Variants in CLSTN2 observed in about 807,000 individuals in gnomAD.
CLSTN2 encodes the protein calsyntenin 2, also known as calsyntenin-2.
A neutral mutation model predicts 101.2 loss-of-function variants in CLSTN2; 48 were observed. That is an observed-to-expected ratio of 0.47 (90% confidence interval 0.38 to 0.60). The LOEUF (loss-of-function observed/expected upper bound fraction) is 0.60, where lower values mean the gene tolerates loss of function less well. Among genes scored for constraint, CLSTN2 ranks in the 20% least tolerant of loss-of-function variants. The pLI, the probability that CLSTN2 is intolerant of heterozygous loss-of-function variation, is 0.00. For synonymous variants in CLSTN2, 481 were observed against 463.6 expected (o/e 1.04, Z -0.48); for missense variants, 1,160 against 1,238.2 (o/e 0.94, Z 0.95).
intron 6 of CLSTN2, among the ~76,000 whole-genome samples, chr3:140,459,263 G>A (rs920952703): frequency 2.0e-5 from 3 of 152,120 alleles, no homozygotes; most frequent in Admixed American, 1.3e-4. Context: ...AAATTCCTCC[G>A]ACACTTTTTT....
intron 2 of CLSTN2, among the ~76,000 whole-genome samples, chr3:140,359,809 T>C (rs1445942342): frequency 6.6e-6 from 1 of 152,056 alleles, no homozygotes; most frequent in Non-Finnish European, 1.5e-5. Flanking sequence ...CCAGAACTAG[T>C]CACTTGACAG....
chr3:140,086,379 A>G (rs777522144), intron 1 of CLSTN2, among the ~76,000 whole-genome samples: 3 of 152,150 alleles, frequency 2.0e-5, no homozygotes, highest in Non-Finnish European at 4.4e-5. Context: ...TAATTGTGTG[A>G]TATTAGACAA....
At chr3:140,188,182 A>G (rs1415150191) in intron 2 of CLSTN2, among the ~76,000 whole-genome samples, 1 of 152,226 alleles carries the variant, frequency 6.6e-6, no homozygotes, top group Non-Finnish European at 1.5e-5. Context: ...TTGTTACATT[A>G]CATGCTTAAG....
intron 1 of CLSTN2, among the ~76,000 whole-genome samples, chr3:140,021,326 T>C (rs2007311346): frequency 6.6e-6 from 1 of 152,226 alleles, no homozygotes; most frequent in African/African-American, 2.4e-5. Flanking sequence ...CACAGAGCCC[T>C]GGGAGAAGTG....
At chr3:140,541,076 G>A (rs958201358) in intron 9 of CLSTN2, among the ~76,000 whole-genome samples, 3 of 152,028 alleles carry the variant, frequency 2.0e-5, no homozygotes, top group Non-Finnish European at 4.4e-5. Context: ...CCCCAGCATT[G>A]AGTCAGTCCC....
At chr3:140,286,168 T>A (rs1486551823) in intron 2 of CLSTN2, among the ~76,000 whole-genome samples, 2 of 152,068 alleles carry the variant, frequency 1.3e-5, no homozygotes, top group Admixed American at 1.3e-4. Context: ...GGAAGCAACC[T>A]CTCTGTCCAG....
chr3:140,302,431 T>C (rs531706041), intron 2 of CLSTN2, among the ~76,000 whole-genome samples: 1 of 152,358 alleles, frequency 6.6e-6, no homozygotes, highest in South Asian at 2.1e-4. Flanking sequence ...GGGATTGGGC[T>C]TGTTTTCTGC....
At chr3:140,335,545 C>G (rs1454425601) in intron 2 of CLSTN2, among the ~76,000 whole-genome samples, 2 of 151,982 alleles carry the variant, frequency 1.3e-5, no homozygotes, top group Non-Finnish European at 2.9e-5. Flanking sequence ...CTGGGGCCCT[C>G]CCCTCCTCCA....
chr3:140,152,555 C>G (rs1349072492), intron 1 of CLSTN2, among the ~76,000 whole-genome samples: 1 of 152,162 alleles, frequency 6.6e-6, no homozygotes, highest in Non-Finnish European at 1.5e-5. Flanking sequence ...CATAGTCCCA[C>G]CAAACCCAAT....
In CLSTN2 at chr3:140,299,948, C is replaced by A. The variant is rs564593207; in HGVS notation, c.233-103681C>A. On this transcript the variant is annotated intron_variant, in intron 2 of 16. Transcript: ENST00000458420. ...TTTTTATTGAATGGTTGGGAGAATG[C>A]CACATGTGATGATGGTTTTGTGTAC... 1.2e-4 allele frequency among the ~76,000 whole-genome samples: 18 copies of A among 152,200 alleles called. No homozygotes were observed. In the South Asian group the frequency reaches 3.7e-3, roughly 32 times the overall value.
Position 140,116,149 on chromosome 3 carries a change from T to C in CLSTN2, c.110-59802T>C, listed in dbSNP as rs138850923. 3.5e-4 allele frequency among the ~76,000 whole-genome samples: 53 copies of C among 152,160 alleles called. No homozygotes were observed. In the East Asian group the frequency reaches 9.5e-3, roughly 27 times the overall value. ...TGTTTCCCAACCTTAGTCATACACA[T>C]CCACCTCCACAGTTTTTGCCTCATC... On this transcript the variant is annotated intron_variant, in intron 1 of 16. Transcript: ENST00000458420.
Position 140,558,838 on chromosome 3 carries a change from C to A in CLSTN2, c.2022C>A (p.Pro674=). Residue 674 remains proline (P), a synonymous_variant, in exon 12 of 17, where the codon CCC becomes CCA. Coordinates refer to ENST00000458420, the MANE Select transcript of CLSTN2 (RefSeq NM_022131.3). ...GCACCTTCGCCAAAACCGAAGCCCC[C>A]GGGGACGTGAAAACCACAGGTACAG... ...IVSTFAKTEA[P]GDVKTTDPKS... is the part of the protein sequence containing the mutation. 1.2e-6 allele frequency: 2 copies of A among 1,613,748 alleles called. No homozygotes were observed. The highest frequency in any genetic ancestry group is 1.1e-5 in the South Asian group (1 of 91,046).
intron 1 of CLSTN2, among the ~76,000 whole-genome samples, chr3:140,021,300 A>G (rs1027794901): frequency 1.3e-5 from 2 of 152,158 alleles, no homozygotes; most frequent in African/African-American, 4.8e-5. Flanking sequence ...GAGCTTCAAG[A>G]AGGGCTTCAC....
intron 2 of CLSTN2, among the ~76,000 whole-genome samples, chr3:140,250,524 T>G (rs2107875103): frequency 6.6e-6 from 1 of 152,330 alleles, no homozygotes. Context: ...AATTACTTGT[T>G]AGAAGTCAAA....
chr3:140,439,776 A>G (rs2088739605), intron 5 of CLSTN2, among the ~76,000 whole-genome samples: 1 of 152,094 alleles, frequency 6.6e-6, no homozygotes, highest in South Asian at 2.1e-4. Flanking sequence ...CACAGCAGCC[A>G]TGTCTCAAAT....
At chr3:140,048,308 G>C (rs1048411682) in intron 1 of CLSTN2, among the ~76,000 whole-genome samples, 5 of 152,164 alleles carry the variant, frequency 3.3e-5, no homozygotes, top group Non-Finnish European at 7.3e-5. Context: ...ATACAGCCTA[G>C]GTCATAGTTG....
chr3:140,346,457 C>A (rs995208331), intron 2 of CLSTN2, among the ~76,000 whole-genome samples: 1 of 152,270 alleles, frequency 6.6e-6, no homozygotes, highest in East Asian at 1.9e-4. Context: ...TGTAACTATA[C>A]CCTGTTCTGA....
At chr3:139,969,565 C>T (rs985124747) in intron 1 of CLSTN2, among the ~76,000 whole-genome samples, 26 of 152,298 alleles carry the variant, frequency 1.7e-4, no homozygotes, top group African/African-American at 6.3e-4. Flanking sequence ...TCAGGCCCTG[C>T]CATCACTGCA....
chr3:140,198,715 G>T (rs1329356876), intron 2 of CLSTN2, among the ~76,000 whole-genome samples: 2 of 152,170 alleles, frequency 1.3e-5, no homozygotes, highest in African/African-American at 4.8e-5. Flanking sequence ...AACAGGTGAC[G>T]TTTAGGCCAT....
Sources: allele counts gnomAD v4.1 joint callset (sites outside exome capture counted in the v4.1 genomes callset), GRCh38; gene constraint gnomAD v4.1.1; transcripts MANE v1.5; gene names NCBI Gene and HGNC (gene_info 2026-07-23, HGNC 2026-07-21).